The following MMP25 variants were observed in gnomAD, a reference collection of about 807,000 sequenced individuals.
The protein encoded by MMP25 is matrix metalloproteinase-25.
A neutral mutation model predicts 62.1 loss-of-function variants in MMP25; 68 were observed. The observed-to-expected ratio is 1.10, with a 90% CI of 0.90 to 1.34. The LOEUF is 1.34. Ranked by LOEUF, MMP25 falls within the 40% of genes most tolerant of loss-of-function variation. The pLI is 0.00. For missense variants in MMP25, 942 were observed against 792.5 expected (o/e 1.19, Z -2.26); for synonymous variants, 407 against 345.6 (o/e 1.18, Z -1.97).
Position 3,050,140 on chromosome 16 carries a change from T to C in MMP25, c.364T>C (p.Trp122Arg). The part of the protein sequence containing the change: ...GSVWKKRTLT[W>R]RVRSFPQSSQ... The stretch of plus-strand genomic sequence containing the variant: ...CGTGTGGAAGAAGCGAACCCTGACA[T>C]GGAGGTAGGTCCTGGGGCCCACCCG... Residue 122 changes from tryptophan to arginine, a missense_variant, in exon 3 of 10, where the codon TGG (tryptophan) becomes CGG (arginine). Trp to Arg is a moderately radical substitution (Grantham distance 101). Coordinates refer to ENST00000336577, the MANE Select transcript of MMP25 (RefSeq NM_022468.5). 1 of 1,605,318 alleles carries C rather than the reference T, an allele frequency of 6.2e-7. No individual in the cohort carries two copies. Among genetic ancestry groups the C allele is most frequent in the East Asian group, 2.2e-5 (1 of 44,608 alleles).
chr16:3,047,421 C>A lies in MMP25; in HGVS notation c.106C>A (p.Leu36Met). The A allele has an allele frequency of 1.2e-6, 2 of 1,613,094 alleles. No individual in the cohort carries two copies. Among genetic ancestry groups the A allele is most frequent in the Non-Finnish European group, 1.7e-6 (2 of 1,179,528 alleles). Reference sequence around the variant, plus strand: ...GCCCCCTCCGATGCCCTAGGACTGGCTGACTCGCTATGGTTACCTGCCGCC... The same window carrying A: ...GCCCCCTCCGATGCCCTAGGACTGGATGACTCGCTATGGTTACCTGCCGCC... Reference protein sequence around the residue: ...AQDVSLGVDWLTRYGYLPPPH... With the variant: ...AQDVSLGVDWMTRYGYLPPPH... Residue 36 changes from leucine to methionine, a missense_variant, in exon 2 of 10, where the codon CTG (leucine) becomes ATG (methionine). Transcript: ENST00000336577.
rs1467354552 is a variant in MMP25 at position 3,046,973 on chromosome 16, C to G, written c.56C>G (p.Ala19Gly). 1 of 1,471,892 alleles carries G rather than the reference C, an allele frequency of 6.8e-7. No homozygotes were observed. The highest frequency in any genetic ancestry group is 1.3e-5 in the South Asian group (1 of 77,364). 91.2% of individuals were successfully genotyped at this position (1,471,892 alleles called of 1,614,324 possible). The change falls in exon 1 of 10, where the codon GCG (alanine) becomes GGG (glycine). Residue 19 changes from alanine (A) to glycine (G), a missense_variant. Coordinates refer to ENST00000336577, the MANE Select transcript of MMP25 (RefSeq NM_022468.5). ...CTGCTTCTGCTGCTGGCACCGCCCG[C>G]GCGCGCCCCGAAGCCCTCGGCGCAG... ...ALLLLLLAPP[A>G]RAPKPSAQDV...
chr16:3,049,968 C>T, intron 2 of MMP25, 41 bp from the exon 3 acceptor site: 1 of 1,603,286 alleles, frequency 6.2e-7, no homozygotes, highest in Non-Finnish European at 8.5e-7. Flanking sequence ...GCAGGCTCTC[C>T]TATTGTGGAC....
chr16:3,057,283 C>T (rs1023091153), intron 5 of MMP25, 27 bp from the exon 6 acceptor site: 4 of 1,614,036 alleles, frequency 2.5e-6, no homozygotes, highest in Non-Finnish European at 3.4e-6. Context: ...CCAGGGGACG[C>T]ACACCTGCCT....
intron 6 of MMP25, 42 bp from the exon 7 acceptor site, chr16:3,057,489 A>G (rs1345376094): frequency 1.9e-6 from 3 of 1,605,142 alleles, no homozygotes; most frequent in Middle Eastern, 1.6e-4. Context: ...GCCTTGGAGA[A>G]AACAAACCCC....
At position 3,059,129 on chromosome 16, in the gene MMP25, C is replaced by T; in HGVS notation, c.*31C>T. 2 of 1,494,402 alleles carry T rather than the reference C, an allele frequency of 1.3e-6. No individual in the cohort carries two copies. The highest frequency in any genetic ancestry group is 1.8e-6 in the Non-Finnish European group (2 of 1,115,102). 92.6% of individuals were successfully genotyped at this position (1,494,402 alleles called of 1,614,324 possible). The stretch of plus-strand genomic sequence containing the variant: ...GGAGCCATCCAGACCGAACAGCGCC[C>T]TCCACGGCCGAGTCCCCCGCCGCTG... On this transcript the variant is annotated 3_prime_UTR_variant, in exon 10 of 10. Coordinates refer to ENST00000336577, the MANE Select transcript of MMP25 (RefSeq NM_022468.5).
rs372066511 is a variant in MMP25 at position 3,058,614 on chromosome 16, G to A, written c.1362G>A (p.Leu454=). 22 of 1,606,722 alleles carry A rather than the reference G, an allele frequency of 1.4e-5. No individual in the cohort carries two copies. In the Admixed American group the frequency reaches 2.4e-4, roughly 17 times the overall value. ...ARPDPGYPRD[L]SLWEGAPPSP... ...CGGACCCCGGCTACCCTCGCGACCTGAGCCTCTGGGAAGGCGCGCCCCCCT... is the reference window on the plus strand; with the variant it reads ...CGGACCCCGGCTACCCTCGCGACCTAAGCCTCTGGGAAGGCGCGCCCCCCT... Residue 454 remains leucine (L), a synonymous_variant, in exon 9 of 10, where the codon CTG becomes CTA. Coordinates refer to ENST00000336577, the MANE Select transcript of MMP25 (RefSeq NM_022468.5).
Position 3,047,028 on chromosome 16 carries a change from G to T in MMP25, c.99+12G>T. ...TGAGCCTGGGCGTGGTGAGCGCGGGGTCCGCAGGCTCCTGGGGTCTGCAGA... is the reference window on the plus strand; with the variant it reads ...TGAGCCTGGGCGTGGTGAGCGCGGGTTCCGCAGGCTCCTGGGGTCTGCAGA... On this transcript the variant is annotated intron_variant, in intron 1 of 9. Coordinates refer to ENST00000336577, the MANE Select transcript of MMP25 (RefSeq NM_022468.5). 7.0e-7 allele frequency: 1 copy of T among 1,431,116 alleles called. No homozygotes were observed. Among genetic ancestry groups the T allele is most frequent in the Non-Finnish European group, 9.1e-7 (1 of 1,100,274 alleles). The allele number at this position is 1,431,116 out of a possible 1,614,324, so 88.7% of individuals were successfully genotyped here. A position where few individuals can be genotyped will look rare whatever the true frequency, so the allele number is the denominator to read the frequency against.
intron 4 of MMP25, chr16:3,051,061 G>C (rs1955895544): frequency 6.6e-6 from 1 of 152,494 alleles, no homozygotes; most frequent in East Asian, 1.9e-4. Context: ...AAAGCATTGG[G>C]ATTATAAGCA....
intron 4 of MMP25, chr16:3,053,985 C>G: frequency 6.6e-6 from 1 of 151,254 alleles, no homozygotes; most frequent in Non-Finnish European, 1.5e-5. Context: ...GGGCAGAGAG[C>G]AGCATGGGGT....
At position 3,058,435 on chromosome 16, in the gene MMP25, G is replaced by C; in HGVS notation, c.1183G>C (p.Asp395His). ...AGGGCCCCAGTTCTGGGTGTTCCAG[G>C]ACCGGCAGCTGGAGGGCGGGGCGCG... Reference protein sequence around the residue: ...FSGPQFWVFQDRQLEGGARPL... With the variant: ...FSGPQFWVFQHRQLEGGARPL... Residue 395 changes from aspartate (D) to histidine (H), a missense_variant, in exon 9 of 10, where the codon GAC (aspartate) becomes CAC (histidine). Coordinates refer to ENST00000336577, the MANE Select transcript of MMP25 (RefSeq NM_022468.5). The C allele has an allele frequency of 6.3e-7, 1 of 1,581,394 alleles. No homozygotes were observed.
At position 3,058,791 on chromosome 16, in the gene MMP25, C is replaced by G. The variant is rs948746593; in HGVS notation, c.1418-36C>G. The G allele has an allele frequency of 7.3e-6, 10 of 1,364,294 alleles. No homozygotes were observed. The Admixed American group carries it at 9.5e-5, about 13-fold the overall frequency. The allele number at this position is 1,364,294 out of a possible 1,614,324, so 84.5% of individuals were successfully genotyped here. On this transcript the variant is annotated intron_variant, in intron 9 of 9. Coordinates refer to ENST00000336577, the MANE Select transcript of MMP25 (RefSeq NM_022468.5). ...CCTTGGGCATCAGGGAGCGGCGGGG[C>G]GGGGAGGGACCGGGACTCAAGCTCT...
rs1305242641 is a variant in MMP25, at chr16:3,058,984, C to T, written c.1575C>T (p.Pro525=). The T allele has an allele frequency of 5.1e-6, 8 of 1,555,320 alleles. No homozygotes were observed. Among genetic ancestry groups the T allele is most frequent in the Non-Finnish European group, 7.0e-6 (8 of 1,149,560 alleles). The change falls in exon 10 of 10, where the codon CCC becomes CCT. Residue 525 remains proline, a synonymous_variant. Transcript: ENST00000336577. ...PRAPRPPKAT[P]VSETCDCQCE... ...CCCCCAGGCCCCCCAAAGCGACCCC[C>T]GTGTCCGAAACCTGCGATTGTCAGT...
At chr16:3,057,936 C>T (rs1236463038) in intron 7 of MMP25, 3 of 579,640 alleles carry the variant, frequency 5.2e-6, no homozygotes, top group Admixed American at 3.4e-5. Context: ...TCTCCTGGCT[C>T]AGGTGATTCT....
rs1955886003 is a variant in MMP25 at position 3,050,436 on chromosome 16, C to G, written c.551C>G (p.Pro184Arg). 1.2e-6 allele frequency: 2 copies of G among 1,613,864 alleles called. No individual in the cohort carries two copies. Among genetic ancestry groups the G allele is most frequent in the South Asian group, 2.2e-5 (2 of 91,066 alleles). ...FARAFHQDSY[P>R]FDGLGGTLAH... is the part of the protein sequence containing the mutation. ...CGCGCCTTCCACCAGGACAGCTACCCCTTCGACGGGTTGGGGGGCACCCTA... is the reference window on the plus strand; with the variant it reads ...CGCGCCTTCCACCAGGACAGCTACCGCTTCGACGGGTTGGGGGGCACCCTA... Residue 184 changes from proline (P) to arginine (R), a missense_variant, in exon 4 of 10, where the codon CCC (proline) becomes CGC (arginine). Coordinates refer to ENST00000336577, the MANE Select transcript of MMP25 (RefSeq NM_022468.5).
chr16:3,057,475 C>T, intron 6 of MMP25, 56 bp from the exon 7 acceptor site: 3 of 1,596,358 alleles, frequency 1.9e-6, no homozygotes, highest in African/African-American at 1.3e-5. Context: ...TGGTGGGGGT[C>T]CCTGCCTTGG....
At position 3,058,454 on chromosome 16, in the gene MMP25, G is replaced by A. The variant is rs200636618; in HGVS notation, c.1202G>A (p.Gly401Glu). 972 of 1,594,514 alleles carry A rather than the reference G, an allele frequency of 6.1e-4. 3 individuals carry two copies. The highest frequency in any genetic ancestry group is 4.8e-3 in the African/African-American group (357 of 74,604). The stretch of plus-strand genomic sequence containing the variant: ...TTCCAGGACCGGCAGCTGGAGGGCG[G>A]GGCGCGGCCGCTCACGGAGCTGGGG... Reference protein sequence around the residue: ...WVFQDRQLEGGARPLTELGLP... With the variant: ...WVFQDRQLEGEARPLTELGLP... Residue 401 changes from glycine to glutamate, a missense_variant, in exon 9 of 10, where the codon GGG becomes GAG. Physicochemically the swap from Gly to Glu is moderately conservative, Grantham distance 98. Transcript: ENST00000336577.
In MMP25 at chr16:3,050,301, G is replaced by C; in HGVS notation, c.416G>C (p.Arg139Pro). 1.2e-6 allele frequency: 2 copies of C among 1,612,574 alleles called. No individual in the cohort carries two copies. Among genetic ancestry groups the C allele is most frequent in the Non-Finnish European group, 1.7e-6 (2 of 1,179,076 alleles). ...QSSQLSQETV[R>P]VLMSYALMAW... ...TCCCAGCTGAGCCAGGAGACCGTGC[G>C]GGTCCTCATGAGCTATGCCCTGATG... The change falls in exon 4 of 10, where the codon CGG (arginine) becomes CCG (proline). Residue 139 changes from arginine (R) to proline (P), a missense_variant. Coordinates refer to ENST00000336577, the MANE Select transcript of MMP25 (RefSeq NM_022468.5).
At chr16:3,052,443 G>C (rs1955918327) in intron 4 of MMP25, 1 of 152,338 alleles carries the variant, frequency 6.6e-6, no homozygotes. Flanking sequence ...TTGCATTCCG[G>C]AACTATCATC....
Sources: gnomAD v4.1 joint callset for allele counts on GRCh38, gnomAD v4.1.1 for gene constraint, MANE v1.5 for transcripts, NCBI Gene and HGNC (gene_info 2026-07-23, HGNC 2026-07-21) for gene names.